RSF1: variants seen among roughly 807,000 people sequenced by gnomAD.
RSF1 encodes remodeling and spacing factor 1.
In RSF1, 13 loss-of-function variants were observed where a neutral mutation model predicts 145.2. That is an observed-to-expected ratio of 0.09 (90% CI 0.06 to 0.14). The LOEUF (loss-of-function observed/expected upper bound fraction) is 0.14, where lower values mean the gene tolerates loss of function less well. Ranked by LOEUF, RSF1 falls within the 10% of genes least tolerant of loss-of-function variation. The pLI is 1.00. For synonymous variants in RSF1, 577 were observed against 592.6 expected (o/e 0.97, Z 0.38); for missense variants, 1,517 against 1,718.2 (o/e 0.88, Z 2.07).
At chr11:77,862,127 G>A in the RSF1 span, among the ~76,000 whole-genome samples, 2 of 152,070 alleles carry the variant, frequency 1.3e-5, no homozygotes, top group African/African-American at 2.4e-5. Flanking sequence ...AAATGTTTGC[G>A]GCACCAATCT....
intron 2 of RSF1, chr11:77,763,327 G>A (rs560536710): frequency 7.0e-6 from 1 of 143,270 alleles, no homozygotes; most frequent in African/African-American, 2.6e-5. Flanking sequence ...GGGTGACAGA[G>A]TGAGACTGTC....
chr11:77,850,002 C>G, the RSF1 span, among the ~76,000 whole-genome samples: 1 of 152,116 alleles, frequency 6.6e-6, no homozygotes, highest in African/African-American at 2.4e-5. Context: ...GGTAAACTCC[C>G]TAAGGTTAGC....
In RSF1 at chr11:77,799,250, T is replaced by C. The variant is rs375001716; in HGVS notation, c.187+21278A>G. ...GTAGGCAGGGTGCAGTGGCTCACGC[T>C]TGTAATCCAAGCACTTTGGGAATAT... On this transcript the variant is annotated intron_variant, in intron 1 of 15. Transcript: ENST00000308488. Among the ~76,000 whole-genome samples the C allele has an allele frequency of 1.7e-3, 265 of 151,978 alleles. 4 individuals are homozygous for C. Among genetic ancestry groups the C allele is most frequent in the African/African-American group, 5.7e-3 (238 of 41,494 alleles).
chr11:77,765,149 A>C (rs576517727), intron 1 of RSF1, among the ~76,000 whole-genome samples: 1 of 152,152 alleles, frequency 6.6e-6, no homozygotes, highest in African/African-American at 2.4e-5. Flanking sequence ...AAAAAAAACC[A>C]TCAAGTAAAA....
intron 15 of RSF1, among the ~76,000 whole-genome samples, chr11:77,670,743 T>C (rs1959500791): frequency 6.6e-6 from 1 of 152,112 alleles, no homozygotes. Context: ...ACATTTTTTT[T>C]CCCTTTCTCT....
At chr11:77,809,183 T>A (rs1453043381) in intron 1 of RSF1, among the ~76,000 whole-genome samples, 1 of 152,208 alleles carries the variant, frequency 6.6e-6, no homozygotes, top group East Asian at 1.9e-4. Flanking sequence ...AGTTTCCTTA[T>A]CTATAAAATG....
chr11:77,772,623 T>C (rs979530777), intron 1 of RSF1, among the ~76,000 whole-genome samples: 27 of 152,222 alleles, frequency 1.8e-4, no homozygotes, highest in Middle Eastern at 3.4e-3. Flanking sequence ...AACATTGAAT[T>C]TGTCATTCAT....
At chr11:77,844,447 A>C in the RSF1 span, among the ~76,000 whole-genome samples, 2 of 151,830 alleles carry the variant, frequency 1.3e-5, no homozygotes, top group African/African-American at 2.4e-5. Context: ...ACTGTAGTCT[A>C]CACCACCTGG....
the RSF1 span, among the ~76,000 whole-genome samples, chr11:77,838,717 C>T: frequency 8.5e-4 from 128 of 150,330 alleles, no homozygotes; most frequent in African/African-American, 2.8e-3. Context: ...CCCGGGTTCA[C>T]GCCATTCTCC....
intron 11 of RSF1, among the ~76,000 whole-genome samples, chr11:77,680,017 A>G (rs1959815242): frequency 6.6e-6 from 1 of 152,234 alleles, no homozygotes; most frequent in Admixed American, 6.5e-5. Flanking sequence ...ACATAATTCA[A>G]GTATTCAATA....
chr11:77,808,489 G>T, intron 1 of RSF1, among the ~76,000 whole-genome samples: 1 of 141,958 alleles, frequency 7.0e-6, no homozygotes. Flanking sequence ...TAGTTCTTTG[G>T]TTTCAATATA....
chr11:77,842,668 C>T, the RSF1 span: 1 of 1,600,734 alleles, frequency 6.2e-7, no homozygotes, highest in Non-Finnish European at 8.5e-7. Context: ...ATGAGGCTGA[C>T]CAAGTGATTT....
intron 1 of RSF1, among the ~76,000 whole-genome samples, chr11:77,815,981 T>A (rs1342245992): frequency 6.6e-6 from 1 of 152,224 alleles, no homozygotes; most frequent in East Asian, 1.9e-4. Flanking sequence ...CAAGTCCCTC[T>A]GTCTCCATTA....
intron 1 of RSF1, among the ~76,000 whole-genome samples, chr11:77,778,510 A>G (rs560572605): frequency 6.6e-6 from 1 of 152,274 alleles, no homozygotes; most frequent in South Asian, 2.1e-4. Context: ...TAAGAGCATG[A>G]TAAAGTCCCC....
intron 1 of RSF1, among the ~76,000 whole-genome samples, chr11:77,811,688 T>C (rs975506515): frequency 1.3e-5 from 2 of 152,108 alleles, no homozygotes; most frequent in African/African-American, 4.8e-5. Context: ...GTAAAAGCAG[T>C]TTGGCGTGAT....
At chr11:77,750,793 A>G (rs577861445) in intron 2 of RSF1, among the ~76,000 whole-genome samples, 1 of 152,366 alleles carries the variant, frequency 6.6e-6, no homozygotes, top group South Asian at 2.1e-4. Context: ...ACAATTTGAC[A>G]TAACATTCGT....
chr11:77,808,120 G>A (rs533560474), intron 1 of RSF1, among the ~76,000 whole-genome samples: 5 of 152,172 alleles, frequency 3.3e-5, no homozygotes, highest in African/African-American at 1.2e-4. Context: ...AATCACTTGA[G>A]GTCAGGAGTT....
chr11:77,804,985 A>C lies in RSF1; in HGVS notation c.187+15543T>G, dbSNP rs1266703211. Among the ~76,000 whole-genome samples the C allele has an allele frequency of 2.0e-5, 3 of 152,346 alleles. No individual in the cohort carries two copies. In the South Asian group the frequency reaches 6.2e-4, roughly 32 times the overall value. On this transcript the variant is annotated intron_variant, in intron 1 of 15. Transcript: ENST00000308488. ...TATGTGTACTTCTCATCTACAATGA[A>C]CTAAATCCACACTATATATTAAACA...
At chr11:77,856,278 G>A in the RSF1 span, among the ~76,000 whole-genome samples, 14 of 152,188 alleles carry the variant, frequency 9.2e-5, no homozygotes, top group Middle Eastern at 6.8e-3. Context: ...CCTCATCTCC[G>A]AGACCTTCTC....
Sources: gnomAD v4.1 joint callset for allele counts (sites outside exome capture counted in the v4.1 genomes callset) on GRCh38, gnomAD v4.1.1 for gene constraint, MANE v1.5 for transcripts, NCBI Gene and HGNC (gene_info 2026-07-23, HGNC 2026-07-21) for gene names.